ZBTB11: variants seen among roughly 807,000 people sequenced by gnomAD.
The protein encoded by ZBTB11 is zinc finger and BTB domain containing 11, also known as zinc finger and BTB domain-containing protein 11.
In ZBTB11, 68 loss-of-function variants were observed where a neutral mutation model predicts 113.1. The observed-to-expected ratio is 0.60, with a 90% CI of 0.49 to 0.74. The LOEUF is 0.74. Among genes scored for constraint, ZBTB11 ranks in the 30% least tolerant of loss-of-function variants. ZBTB11 has a pLI of 0.00. For synonymous variants in ZBTB11, 518 were observed against 452.6 expected, an observed-to-expected ratio of 1.14 and a Z score of -1.83; for missense variants, 1,104 against 1,279.4, an observed-to-expected ratio of 0.86 and a Z score of 2.09.
Position 101,651,046 on chromosome 3 carries a change from C to G in ZBTB11, c.*120G>C, listed in dbSNP as rs574938438. 8.1e-7 allele frequency: 1 copy of G among 1,227,348 alleles called. No homozygotes were observed. Among genetic ancestry groups the G allele is most frequent in the African/African-American group, 1.5e-5 (1 of 66,080 alleles). The allele number at this position is 1,227,348 out of a possible 1,614,324, so 76.0% of individuals were successfully genotyped here. A position where few individuals can be genotyped will look rare whatever the true frequency, so the allele number is the denominator to read the frequency against. On this transcript the variant is annotated 3_prime_UTR_variant, in exon 11 of 11. Coordinates refer to ENST00000312938, the MANE Select transcript of ZBTB11 (RefSeq NM_014415.4). ...AAAATGTTTGGAAACGTTACGTTAC[C>G]AAACAGCCCAGAACTTTGATATGTA... is the stretch of plus-strand genomic sequence containing the variant.
intron 3 of ZBTB11, among the ~76,000 whole-genome samples, chr3:101,669,457 G>T (rs1330375712): frequency 6.6e-6 from 1 of 151,944 alleles, no homozygotes; most frequent in Admixed American, 6.5e-5. Context: ...GATGTATTAT[G>T]TTGGAATATT....
intron 3 of ZBTB11, among the ~76,000 whole-genome samples, chr3:101,666,942 G>C (rs1221214849): frequency 6.6e-6 from 1 of 152,060 alleles, no homozygotes; most frequent in African/African-American, 2.4e-5. Context: ...GTAGAGACGG[G>C]GTTTCACCAT....
At position 101,649,123 on chromosome 3, in the gene ZBTB11, G is replaced by A. The variant is rs1387739972; in HGVS notation, c.*2043C>T. 2.0e-5 allele frequency: 3 copies of A among 152,192 alleles called. No individual in the cohort carries two copies. Among genetic ancestry groups the A allele is most frequent in the Non-Finnish European group, 4.4e-5 (3 of 68,080 alleles). 9.4% of individuals were successfully genotyped at this position (152,192 alleles called of 1,614,324 possible). On this transcript the variant is annotated 3_prime_UTR_variant, in exon 11 of 11. Coordinates refer to ENST00000312938, the MANE Select transcript of ZBTB11 (RefSeq NM_014415.4). ...CTGCTCATGGAGCCTGGGGTTTAGG[G>A]TTTATATGGATACAGGATAGGAGGG...
Position 101,669,447 on chromosome 3 carries a change from GATGTA to G in ZBTB11, c.778+1678_778+1682del, listed in dbSNP as rs76671926. On this transcript the variant is annotated intron_variant, in intron 3 of 10. Coordinates refer to ENST00000312938, the MANE Select transcript of ZBTB11 (RefSeq NM_014415.4). ...TATGCATATGGAATGAAGACTAAAT[GATGTA>G]TTATGTTGGAATATTAGGATGCTGT... 7.3e-4 allele frequency among the ~76,000 whole-genome samples: 111 copies of G among 152,006 alleles called. No individual in the cohort carries two copies. The East Asian group carries it at 0.018, about 24-fold the overall frequency.
At position 101,659,823 on chromosome 3, in the gene ZBTB11, T is replaced by C. The variant is rs375982674; in HGVS notation, c.2006A>G (p.His669Arg). The change falls in exon 6 of 11, where the codon CAT becomes CGT. Residue 669 changes from histidine to arginine, a missense_variant. By Grantham distance (29) the His-to-Arg change is conservative. Transcript: ENST00000312938. ...CTTTACACCTGTGTGCTTTAACATATGTATTCGGAGAGAATATAATTTAGG... is the reference window on the plus strand; with the variant it reads ...CTTTACACCTGTGTGCTTTAACATACGTATTCGGAGAGAATATAATTTAGG... ...TLPKLYSLRIHMLKHTGVKPH... is the reference protein window; with the variant it reads ...TLPKLYSLRIRMLKHTGVKPH... 1 of 1,614,212 alleles carries C rather than the reference T, an allele frequency of 6.2e-7. No homozygotes were observed. The highest frequency in any genetic ancestry group is 8.5e-7 in the Non-Finnish European group (1 of 1,180,020).
chr3:101,676,436 A>C, intron 1 of ZBTB11, 169 bp downstream of exon 1: 1 of 639,996 alleles, frequency 1.6e-6, no homozygotes, highest in Non-Finnish European at 2.4e-6. Flanking sequence ...TCCTGTGGGA[A>C]GTGCGGCTCC....
rs766032263 is a variant in ZBTB11, at chr3:101,669,460, G to A, written c.778+1670C>T. On this transcript the variant is annotated intron_variant, in intron 3 of 10. Coordinates refer to ENST00000312938, the MANE Select transcript of ZBTB11 (RefSeq NM_014415.4). ...TGAAGACTAAATGATGTATTATGTT[G>A]GAATATTAGGATGCTGTGCCATAGT... 1.3e-4 allele frequency among the ~76,000 whole-genome samples: 20 copies of A among 151,928 alleles called. 1 individual carries two copies. Among genetic ancestry groups the A allele is most frequent in the Admixed American group, 5.2e-4 (8 of 15,248 alleles).
intron 1 of ZBTB11, among the ~76,000 whole-genome samples, chr3:101,673,392 G>A (rs1937112173): frequency 6.6e-6 from 1 of 152,162 alleles, no homozygotes; most frequent in Non-Finnish European, 1.5e-5. Flanking sequence ...TCCTAGGGCA[G>A]AAAGTTACCC....
At chr3:101,655,169 C>T (rs891004769) in intron 7 of ZBTB11, among the ~76,000 whole-genome samples, 2 of 152,194 alleles carry the variant, frequency 1.3e-5, no homozygotes, top group African/African-American at 4.8e-5. Flanking sequence ...AGCCACCACG[C>T]CTGGCCTTTA....
At chr3:101,674,958 A>C (rs1313935125) in intron 1 of ZBTB11, among the ~76,000 whole-genome samples, 2 of 152,190 alleles carry the variant, frequency 1.3e-5, no homozygotes, top group Non-Finnish European at 2.9e-5. Flanking sequence ...TTTCATCTGT[A>C]AAACAGATAG....
At chr3:101,674,575 G>A (rs756071856) in intron 1 of ZBTB11, among the ~76,000 whole-genome samples, 4 of 150,932 alleles carry the variant, frequency 2.7e-5, no homozygotes, top group Non-Finnish European at 5.9e-5. Flanking sequence ...GCTGGGCGTG[G>A]TGTAATCCCA....
intron 10 of ZBTB11, among the ~76,000 whole-genome samples, 175 bp from the exon 11 acceptor site, chr3:101,651,858 G>A (rs1936709512): frequency 6.6e-6 from 1 of 152,274 alleles, no homozygotes; most frequent in East Asian, 1.9e-4. Context: ...TCTTTGCCGG[G>A]CACGGTGGCT....
intron 6 of ZBTB11, among the ~76,000 whole-genome samples, chr3:101,659,267 GTCATAC>G (rs1316447174): frequency 6.6e-6 from 1 of 152,110 alleles, no homozygotes; most frequent in African/African-American, 2.4e-5. Context: ...CCCAAACTGA[GTCATAC>G]TCATATATAA....
At chr3:101,657,337 C>A (rs1281035087) in intron 6 of ZBTB11, among the ~76,000 whole-genome samples, 2 of 151,084 alleles carry the variant, frequency 1.3e-5, no homozygotes, top group Non-Finnish European at 3.0e-5. Flanking sequence ...GAAACCCTGT[C>A]TCTACTAAAA....
At chr3:101,676,340 C>T in intron 1 of ZBTB11, 1 of 359,152 alleles carries the variant, frequency 2.8e-6, no homozygotes, top group Non-Finnish European at 5.0e-6. Context: ...GGCGTCCGGC[C>T]CCTCCCCGCG....
intron 3 of ZBTB11, chr3:101,670,671 G>A (rs1246080042): frequency 6.5e-6 from 1 of 154,330 alleles, no homozygotes; most frequent in South Asian, 2.0e-4. Context: ...GCCCCGTCTG[G>A]AGAGCAGTGG....
At position 101,652,523 on chromosome 3, in the gene ZBTB11, ACT is replaced by A. The variant is rs1301249282; in HGVS notation, c.2615_2616del (p.Glu872ValfsTer2). The A allele has an allele frequency of 2.5e-6, 4 of 1,613,830 alleles. No individual in the cohort carries two copies. Among genetic ancestry groups the A allele is most frequent in the Non-Finnish European group, 3.4e-6 (4 of 1,180,006 alleles). On this transcript the variant is annotated frameshift_variant, in exon 10 of 11. Transcript: ENST00000312938. LOFTEE classifies it high-confidence loss of function. The part of the protein sequence containing the change: ...KCGRKFTQLR[E>X]YRRHMNNHEG... The stretch of plus-strand genomic sequence containing the variant: ...TCATGGTTGTTCATGTGTCTCCTAT[ACT>A]CTCTTAGCTGAGTGAATTTTCTTCC...
Position 101,652,653 on chromosome 3 carries a change from T to C in ZBTB11, c.2487A>G (p.Lys829=). 1 of 1,613,882 alleles carries C rather than the reference T, an allele frequency of 6.2e-7. No individual in the cohort carries two copies. The highest frequency in any genetic ancestry group is 8.5e-7 in the Non-Finnish European group (1 of 1,179,994). The part of the protein sequence containing the change: ...TEPYRCNICG[K]EFYEKALFRR... The stretch of plus-strand genomic sequence containing the variant: ...TGAACAAAGCTTTTTCATAAAATTC[T>C]TTGCCACATATATTACACCTAAAAT... Residue 829 remains lysine (K), a synonymous_variant, in exon 10 of 11, where the codon AAA becomes AAG. Transcript: ENST00000312938.
chr3:101,658,081 C>T (rs1314159465), intron 6 of ZBTB11, among the ~76,000 whole-genome samples: 2 of 152,084 alleles, frequency 1.3e-5, no homozygotes, highest in Non-Finnish European at 1.5e-5. Flanking sequence ...ATGAAACCAG[C>T]CCAAATGCCC....
Sources: gnomAD v4.1 joint callset for allele counts (sites outside exome capture counted in the v4.1 genomes callset) on GRCh38, gnomAD v4.1.1 for gene constraint, MANE v1.5 for transcripts, NCBI Gene and HGNC (gene_info 2026-07-23, HGNC 2026-07-21) for gene names.